NDUFS2: variants seen among roughly 807,000 people sequenced by gnomAD.
The protein encoded by NDUFS2 is NADH dehydrogenase [ubiquinone] iron-sulfur protein 2, mitochondrial.
NDUFS2 carries 38 observed loss-of-function variants against 69.6 expected under a neutral mutation model. The ratio of observed to expected loss-of-function variants is 0.55; its 90% confidence interval spans 0.42 to 0.72. The LOEUF is 0.72. Ranked by LOEUF, NDUFS2 falls within the 30% of genes least tolerant of loss-of-function variation. The probability of loss-of-function intolerance (pLI) is 0.00; values close to 1 mark genes in which losing one functional copy is unlikely to be tolerated. For synonymous variants in NDUFS2, 194 were observed against 211.2 expected, an observed-to-expected ratio of 0.92 and a Z score of 0.70; for missense variants, 468 against 595.0, an observed-to-expected ratio of 0.79 and a Z score of 2.22.
At chr1:161,209,756 G>A in intron 5 of NDUFS2, 101 bp from the exon 6 acceptor site, 1 of 1,345,430 alleles carries the variant, frequency 7.4e-7, no homozygotes, top group Non-Finnish European at 1.0e-6. Context: ...TATATCATGA[G>A]GGGTTGGTTG....
upstream of NDUFS2, chr1:161,202,035 G>T: frequency 4.9e-6 from 2 of 410,848 alleles, no homozygotes; most frequent in Non-Finnish European, 9.2e-6. Context: ...AAGGCGGAAG[G>T]GAGTAGGGAA....
intron 2 of NDUFS2, among the ~76,000 whole-genome samples, chr1:161,205,694 G>T (rs945236328): frequency 6.6e-6 from 1 of 151,664 alleles, no homozygotes; most frequent in South Asian, 2.1e-4. Flanking sequence ...CTTGAACCTG[G>T]CAGGCAGACA....
At chr1:161,200,429 G>A (rs578164628), upstream of NDUFS2, among the ~76,000 whole-genome samples, 136 of 152,232 alleles carry the variant, frequency 8.9e-4, no homozygotes, top group African/African-American at 3.1e-3. Flanking sequence ...GAAATCCCCA[G>A]GAAGGAGAGT....
At chr1:161,202,004 G>T (rs537050126), upstream of NDUFS2, 18 of 378,258 alleles carry the variant, frequency 4.8e-5, no homozygotes, top group Middle Eastern at 8.9e-4. Flanking sequence ...CCGAGAGCAG[G>T]ACTAAAGCAT....
At chr1:161,199,784 C>T (rs1050562802), upstream of NDUFS2, among the ~76,000 whole-genome samples, 3 of 151,966 alleles carry the variant, frequency 2.0e-5, no homozygotes, top group Non-Finnish European at 2.9e-5. Context: ...TCTTTTCTAA[C>T]GTCCCTTCTC....
intron 2 of NDUFS2, among the ~76,000 whole-genome samples, chr1:161,204,277 G>C (rs1665335943): frequency 6.6e-6 from 1 of 152,132 alleles, no homozygotes; most frequent in South Asian, 2.1e-4. Context: ...ATTTTGATCA[G>C]TGGCACCCTC....
chr1:161,212,513 T>C, intron 10 of NDUFS2, 33 bp downstream of exon 10: 1 of 1,607,304 alleles, frequency 6.2e-7, no homozygotes, highest in Non-Finnish European at 8.5e-7. Context: ...GTGTGGGGTG[T>C]TGGAAAGGGG....
chr1:161,198,422 C>G, upstream of NDUFS2: 5 of 1,598,370 alleles, frequency 3.1e-6, no homozygotes, highest in Non-Finnish European at 4.3e-6. The surrounding 1 kb of genome is among the most constrained non-coding windows in gnomAD (Gnocchi z 4.7). Flanking sequence ...CAGGACGCTG[C>G]CGTTGAGCTT....
intron 1 of NDUFS2, 90 bp downstream of exon 1, chr1:161,202,570 C>A: frequency 7.7e-7 from 1 of 1,300,096 alleles, no homozygotes; most frequent in Non-Finnish European, 1.1e-6. Context: ...AATAATAACC[C>A]AAGCCTGTGA....
At chr1:161,206,107 G>A (rs1404011266) in intron 2 of NDUFS2, among the ~76,000 whole-genome samples, 3 of 152,014 alleles carry the variant, frequency 2.0e-5, no homozygotes, top group South Asian at 2.1e-4. Flanking sequence ...ACATAATAAA[G>A]CTATATAAGT....
In NDUFS2 at chr1:161,212,449, A is replaced by G. The variant is rs1467384916; in HGVS notation, c.1085A>G (p.Lys362Arg). 1 of 1,613,740 alleles carries G rather than the reference A, an allele frequency of 6.2e-7. No homozygotes were observed. Among genetic ancestry groups the G allele is most frequent in the Non-Finnish European group, 8.5e-7 (1 of 1,179,914 alleles). The change falls in exon 10 of 14, where the codon AAA (lysine) becomes AGA (arginine). Residue 362 changes from lysine (K) to arginine (R), a missense_variant. By Grantham distance (26) the Lys-to-Arg change is conservative. Around this residue, in one of 3 missense-constraint regions of NDUFS2, gnomAD observed 339 missense variants for 433.8 expected, o/e 0.78. Coordinates refer to ENST00000676972, the MANE Select transcript of NDUFS2 (RefSeq NM_001377299.1). ...PPGEIKVDDA[K>R]VSPPKRAEMK... ...GGGGAGATCAAGGTTGATGATGCCAAAGTGTCTCCACCTAAGCGAGCAGAG... is the reference window on the plus strand; with the variant it reads ...GGGGAGATCAAGGTTGATGATGCCAGAGTGTCTCCACCTAAGCGAGCAGAG...
At position 161,214,077 on chromosome 1, in the gene NDUFS2, A is replaced by C; in HGVS notation, c.1355-79A>C. 6 of 1,613,658 alleles carry C rather than the reference A, an allele frequency of 3.7e-6. No individual in the cohort carries two copies. The South Asian group carries it at 6.6e-5, about 18-fold the overall frequency. ...CAGTAATGGGTTCTGGATCTTGGGT[A>C]ACACCACTTTTTTTGTTTGTTTTGC... is the stretch of plus-strand genomic sequence containing the variant. On this transcript the variant is annotated intron_variant, in intron 13 of 13. Coordinates refer to ENST00000676972, the MANE Select transcript of NDUFS2 (RefSeq NM_001377299.1).
chr1:161,198,369 C>G, upstream of NDUFS2: 1 of 1,613,066 alleles, frequency 6.2e-7, no homozygotes, highest in Non-Finnish European at 8.5e-7. The surrounding 1 kb of genome is among the most constrained non-coding windows in gnomAD (Gnocchi z 4.7). Context: ...TCCCCAAAGG[C>G]CTGCAAGCGG....
At chr1:161,203,778 C>T (rs569616879) in intron 2 of NDUFS2, 1 of 537,972 alleles carries the variant, frequency 1.9e-6, no homozygotes, top group Non-Finnish European at 3.4e-6. Flanking sequence ...GAAAATTTTC[C>T]TTTTGTAGAG....
chr1:161,201,235 T>A (rs927581135), upstream of NDUFS2, among the ~76,000 whole-genome samples: 19 of 152,196 alleles, frequency 1.2e-4, no homozygotes, highest in Admixed American at 2.6e-4. Context: ...ATTAGGTCAA[T>A]TCCCAGGCCA....
In NDUFS2 at chr1:161,209,871, C is replaced by T. The variant is rs754420995; in HGVS notation, c.642C>T (p.Tyr214=). ...FEEREKMFEF[Y]ERVSGARMHA... ...GTTCTATGAAGATGTTTGAGTTCTACGAGCGAGTGTCTGGAGCCCGAATGC... is the reference window on the plus strand; with the variant it reads ...GTTCTATGAAGATGTTTGAGTTCTATGAGCGAGTGTCTGGAGCCCGAATGC... Residue 214 remains tyrosine, a synonymous_variant, in exon 6 of 14, where the codon TAC becomes TAT. Transcript: ENST00000676972. The T allele has an allele frequency of 3.7e-6, 6 of 1,613,984 alleles. No individual in the cohort carries two copies. The highest frequency in any genetic ancestry group is 2.2e-5 in the East Asian group (1 of 44,848).
At position 161,213,368 on chromosome 1, in the gene NDUFS2, T is replaced by C. The variant is rs758029512; in HGVS notation, c.1117-12T>C. ...ATATGGTTTATTGATGCTCCCTGTT[T>C]CCTCTCTTCAGACTTCCATGGAGTC... On this transcript the variant is annotated splice_polypyrimidine_tract_variant and intron_variant, in intron 10 of 13. Coordinates refer to ENST00000676972, the MANE Select transcript of NDUFS2 (RefSeq NM_001377299.1). 6.3e-7 allele frequency: 1 copy of C among 1,587,530 alleles called. No homozygotes were observed. The highest frequency in any genetic ancestry group is 2.2e-5 in the East Asian group (1 of 44,804).
chr1:161,210,215 C>A (rs1558085385), intron 7 of NDUFS2, 27 bp downstream of exon 7: 20 of 1,612,038 alleles, frequency 1.2e-5, no homozygotes, highest in Non-Finnish European at 1.7e-5. Flanking sequence ...TGGGAAAAAT[C>A]TCTCCCCCAC....
chr1:161,207,360 C>T (rs541540335), intron 3 of NDUFS2, among the ~76,000 whole-genome samples: 1 of 152,330 alleles, frequency 6.6e-6, no homozygotes, highest in African/African-American at 2.4e-5. Flanking sequence ...AGCGTCTTAG[C>T]TCCACCCTCT....
Sources: gnomAD v4.1 joint callset for allele counts (sites outside exome capture counted in the v4.1 genomes callset) on GRCh38, gnomAD v4.1.1 for gene constraint, gnomAD v4.1.1 regional missense constraint, Gnocchi (gnomAD v3.1) non-coding constraint, MANE v1.5 for transcripts, NCBI Gene and HGNC (gene_info 2026-07-23, HGNC 2026-07-21) for gene names.